Variants in MERTK observed in about 807,000 individuals in gnomAD.
The protein encoded by MERTK is tyrosine-protein kinase Mer.
Under a neutral mutation model 99.3 loss-of-function variants are expected in MERTK, and 69 were observed. The ratio of observed to expected loss-of-function variants is 0.70; its 90% CI spans 0.57 to 0.85. The LOEUF (loss-of-function observed/expected upper bound fraction) is 0.85. Ranked by LOEUF, MERTK falls within the 40% of genes least tolerant of loss-of-function variation. MERTK has a pLI of 0.00. For synonymous variants in MERTK, 426 were observed against 467.6 expected, an observed-to-expected ratio of 0.91 and a Z score of 1.15; for missense variants, 1,125 against 1,249.4, an observed-to-expected ratio of 0.90 and a Z score of 1.50.
At position 111,978,118 on chromosome 2, in the gene MERTK, G is replaced by T. The variant is rs373391399; in HGVS notation, c.1144+2646G>T. On this transcript the variant is annotated intron_variant, in intron 7 of 18. Coordinates refer to ENST00000295408, the MANE Select transcript of MERTK (RefSeq NM_006343.3). Reference sequence around the variant, plus strand: ...TGCCACCACACCCAGCTAATTTTTGGTTTTTTTTTTTATGTTTTGTTTTTT... The same window carrying T: ...TGCCACCACACCCAGCTAATTTTTGTTTTTTTTTTTTATGTTTTGTTTTTT... Among the ~76,000 whole-genome samples, 323 of 143,614 alleles carry T rather than the reference G, an allele frequency of 2.2e-3. 4 individuals are homozygous for T. In the South Asian group the frequency reaches 0.04, roughly 18 times the overall value. The allele number at this position is 143,614 out of a possible 152,430, so 94.2% of individuals were successfully genotyped here.
intron 1 of MERTK, among the ~76,000 whole-genome samples, chr2:111,919,276 T>C (rs1318839381): frequency 1.3e-5 from 2 of 151,812 alleles, no homozygotes; most frequent in Non-Finnish European, 2.9e-5. Context: ...CTGGCCCACC[T>C]TAGAGTGATC....
chr2:112,026,067 T>C (rs1380920737), intron 18 of MERTK: 1 of 153,976 alleles, frequency 6.5e-6, no homozygotes, highest in Non-Finnish European at 1.5e-5. Context: ...TATTTTTCTT[T>C]CCATCCATAA....
chr2:111,986,566 G>A (rs781205288), intron 8 of MERTK, among the ~76,000 whole-genome samples: 1 of 152,222 alleles, frequency 6.6e-6, no homozygotes, highest in African/African-American at 2.4e-5. Context: ...GAGCCGAGGC[G>A]TTCTGAAGGG....
chr2:111,971,956 G>C (rs532642247), intron 6 of MERTK, among the ~76,000 whole-genome samples: 1 of 151,874 alleles, frequency 6.6e-6, no homozygotes, highest in African/African-American at 2.4e-5. Flanking sequence ...ATCAGTTTTT[G>C]CTTCATGTTC....
chr2:111,898,666 C>T lies in MERTK; in HGVS notation c.-70C>T. 1.3e-6 allele frequency: 2 copies of T among 1,542,748 alleles called. No homozygotes were observed. The highest frequency in any genetic ancestry group is 1.8e-6 in the Non-Finnish European group (2 of 1,135,396). On this transcript the variant is annotated 5_prime_UTR_variant, in exon 1 of 19. Transcript: ENST00000295408. ...GAGCTTCGCTGGCGCGCTTGGCCGG[C>T]GACAGGACAGGTTCGGGACGTCCAT...
At position 112,010,095 on chromosome 2, in the gene MERTK, C is replaced by T. The variant is rs752180190; in HGVS notation, c.2079+29C>T. The stretch of plus-strand genomic sequence containing the variant: ...ATGATCTCCTTGTGTTACCCCTGAA[C>T]ACTTCTCAGGGCTTATGTGACTTAG... On this transcript the variant is annotated intron_variant, in intron 15 of 18. Coordinates refer to ENST00000295408, the MANE Select transcript of MERTK (RefSeq NM_006343.3). 2.7e-6 allele frequency: 4 copies of T among 1,458,586 alleles called. No individual in the cohort carries two copies. In the South Asian group the frequency reaches 3.4e-5, roughly 12 times the overall value. 90.4% of individuals were successfully genotyped at this position (1,458,586 alleles called of 1,614,324 possible). A position where few individuals can be genotyped will look rare whatever the true frequency, so the allele number is the denominator to read the frequency against.
chr2:111,920,222 C>T (rs891537435), intron 1 of MERTK, among the ~76,000 whole-genome samples: 3 of 152,192 alleles, frequency 2.0e-5, no homozygotes, highest in Non-Finnish European at 2.9e-5. Context: ...GGCAACTTCA[C>T]GTTCCTTCCA....
At chr2:111,908,336 AT>A (rs1671205167) in intron 1 of MERTK, among the ~76,000 whole-genome samples, 1 of 152,140 alleles carries the variant, frequency 6.6e-6, no homozygotes, top group South Asian at 2.1e-4. Context: ...CTCACATCTT[AT>A]TATAAAATAT....
chr2:111,974,968 G>A (rs953386320), intron 6 of MERTK, among the ~76,000 whole-genome samples: 3 of 152,054 alleles, frequency 2.0e-5, no homozygotes, highest in South Asian at 2.1e-4. Context: ...GTCAAGAATC[G>A]AAGAGGTTCT....
chr2:111,924,775 T>G (rs1684523240), intron 1 of MERTK, among the ~76,000 whole-genome samples: 1 of 152,180 alleles, frequency 6.6e-6, no homozygotes, highest in Admixed American at 6.5e-5. Flanking sequence ...GTTCCCAAAC[T>G]GGTTGGGCTA....
rs778652308 is a variant in MERTK, at chr2:112,028,605, T to C, written c.2741T>C (p.Val914Ala). The change falls in exon 19 of 19, where the codon GTG (valine) becomes GCG (alanine). Residue 914 changes from valine (V) to alanine (A), a missense_variant. Coordinates refer to ENST00000295408, the MANE Select transcript of MERTK (RefSeq NM_006343.3). ...TGCACTCCCCGCGCTGCCATCAGTG[T>C]GGTCACAGCAGAAGTTCATGACAGC... ...ASCTPRAAIS[V>A]VTAEVHDSKP... is the part of the protein sequence containing the mutation. 4 of 1,614,148 alleles carry C rather than the reference T, an allele frequency of 2.5e-6. No individual in the cohort carries two copies. The South Asian group carries it at 4.4e-5, about 18-fold the overall frequency.
At chr2:111,990,107 A>C (rs1381076520) in intron 8 of MERTK, among the ~76,000 whole-genome samples, 1 of 152,144 alleles carries the variant, frequency 6.6e-6, no homozygotes, top group Non-Finnish European at 1.5e-5. Context: ...ATTTTAGTGG[A>C]TTTCTCTGAC....
intron 3 of MERTK, 25 bp from the exon 4 acceptor site, chr2:111,947,369 C>G (rs2104704566): frequency 6.4e-7 from 1 of 1,550,446 alleles, no homozygotes; most frequent in East Asian, 2.5e-5. Flanking sequence ...CTGAAACATT[C>G]TTTTGTGTAA....
In MERTK at chr2:111,899,781, T is replaced by G. The variant is rs60534345; in HGVS notation, c.61+985T>G. 6.1e-3 allele frequency among the ~76,000 whole-genome samples: 930 copies of G among 152,124 alleles called. 11 individuals carry two copies. Among genetic ancestry groups the G allele is most frequent in the African/African-American group, 0.021 (877 of 41,490 alleles). On this transcript the variant is annotated intron_variant, in intron 1 of 18. Transcript: ENST00000295408. Reference sequence around the variant, plus strand: ...TCTGCTCTCCTTGGCCTCCCAAAGTTCTGGGATTACAGTCGTGAGCCACCG... The same window carrying G: ...TCTGCTCTCCTTGGCCTCCCAAAGTGCTGGGATTACAGTCGTGAGCCACCG...
intron 13 of MERTK, among the ~76,000 whole-genome samples, chr2:112,005,303 C>A (rs1676958717): frequency 6.6e-6 from 1 of 152,172 alleles, no homozygotes; most frequent in South Asian, 2.1e-4. Context: ...AACTCCTAAC[C>A]TCAAGTGATC....
intron 6 of MERTK, among the ~76,000 whole-genome samples, chr2:111,973,991 C>CAAAAAA (rs34537631): frequency 1.2e-5 from 1 of 84,716 alleles, no homozygotes; most frequent in Non-Finnish European, 2.1e-5. Context: ...ATCTCCTCAT[C>CAAAAAA]AAAAAAAAAA....
intron 7 of MERTK, among the ~76,000 whole-genome samples, chr2:111,979,592 G>T (rs1676324908): frequency 6.6e-6 from 1 of 151,780 alleles, no homozygotes; most frequent in African/African-American, 2.4e-5. Flanking sequence ...TTAGACGATT[G>T]TTAATTAGAC....
At chr2:111,942,562 T>C (rs1414134185) in intron 2 of MERTK, among the ~76,000 whole-genome samples, 3 of 152,144 alleles carry the variant, frequency 2.0e-5, no homozygotes, top group Non-Finnish European at 4.4e-5. Context: ...CTTTTCATCT[T>C]CTCCTGGTAA....
intron 2 of MERTK, among the ~76,000 whole-genome samples, chr2:111,932,182 G>A (rs751512396): frequency 3.3e-5 from 5 of 152,104 alleles, no homozygotes. Context: ...TTTTGCAAAT[G>A]ATGAGCATTT....
Sources: gnomAD v4.1 joint callset for allele counts (sites outside exome capture counted in the v4.1 genomes callset) on GRCh38, gnomAD v4.1.1 for gene constraint, MANE v1.5 for transcripts, NCBI Gene and HGNC (gene_info 2026-07-23, HGNC 2026-07-21) for gene names.